ATP2C1: variants seen among roughly 807,000 people sequenced by gnomAD.
ATP2C1 encodes calcium-transporting ATPase type 2C member 1.
A neutral mutation model predicts 120.5 loss-of-function variants in ATP2C1; 31 were observed. That is an observed-to-expected ratio of 0.26 (90% CI 0.19 to 0.35). ATP2C1 has a LOEUF of 0.35. Among genes scored for constraint, ATP2C1 ranks in the 10% least tolerant of loss-of-function variants. The pLI, the probability that ATP2C1 is intolerant of heterozygous loss-of-function variation, is 1.00. For missense variants in ATP2C1, 731 were observed against 1,107.5 expected (o/e 0.66, Z 4.83); for synonymous variants, 351 against 358.7 (o/e 0.98, Z 0.24).
At chr3:130,967,446 A>T (rs770764553) in intron 16 of ATP2C1, 27 bp downstream of exon 16, 28 of 1,567,050 alleles carry the variant, frequency 1.8e-5, no homozygotes, top group Non-Finnish European at 2.5e-5. Context: ...CTCTTCTTTG[A>T]CATTTGAGAC....
In ATP2C1 at chr3:130,955,004, C is replaced by T. The variant is rs2060518957; in HGVS notation, c.688-8C>T. ...GATGTAAATGTATTTTCCTGTTTTT[C>T]CCCTTAGGGTGTTGTCATTGGAACA... is the stretch of plus-strand genomic sequence containing the variant. On this transcript the variant is annotated splice_polypyrimidine_tract_variant and splice_region_variant and intron_variant, in intron 9 of 27. Transcript: ENST00000510168. The T allele has an allele frequency of 1.9e-6, 3 of 1,607,044 alleles. No homozygotes were observed. The highest frequency in any genetic ancestry group is 2.7e-5 in the African/African-American group (2 of 74,588).
At position 131,002,459 on chromosome 3, in the gene ATP2C1, GTA is replaced by G; in HGVS notation, c.*1113_*1114del. On this transcript the variant is annotated 3_prime_UTR_variant, in exon 28 of 28. Transcript: ENST00000510168. ...GGCCTAGATTTTAGCACAAACCTGA[GTA>G]TATCTCTTCTACTTTCATCATGTGT... 1.0e-6 allele frequency: 1 copy of G among 985,352 alleles called. No individual in the cohort carries two copies. Among genetic ancestry groups the G allele is most frequent in the Non-Finnish European group, 1.2e-6 (1 of 829,914 alleles). The allele number at this position is 985,352 out of a possible 1,614,324, so 61.0% of individuals were successfully genotyped here.
At chr3:130,961,545 A>G (rs1444661115) in intron 12 of ATP2C1, among the ~76,000 whole-genome samples, 1 of 152,084 alleles carries the variant, frequency 6.6e-6, no homozygotes, top group Non-Finnish European at 1.5e-5. Context: ...CTAAAACAAT[A>G]AGAAAGCAGA....
At position 130,979,398 on chromosome 3, in the gene ATP2C1, C is replaced by G. The variant is rs2061658356; in HGVS notation, c.1720C>G (p.Gln574Glu). ...VSIKMITGDS[Q>E]ETAVAIASRL... ...AATAAAAATGATTACTGGAGATTCA[C>G]AGGAGACTGCAGTTGCAATCGGTAT... The change falls in exon 19 of 28, where the codon CAG becomes GAG. Residue 574 changes from glutamine (Q) to glutamate (E), a missense_variant. Gln to Glu is a conservative substitution (Grantham distance 29, BLOSUM62 2). Transcript: ENST00000510168. 1 of 1,613,446 alleles carries G rather than the reference C, an allele frequency of 6.2e-7. No individual in the cohort carries two copies. Among genetic ancestry groups the G allele is most frequent in the Non-Finnish European group, 8.5e-7 (1 of 1,179,604 alleles).
chr3:130,884,439 G>A lies in ATP2C1; in HGVS notation c.108+33511G>A, dbSNP rs569268557. On this transcript the variant is annotated intron_variant, in intron 1 of 26. Coordinates refer to the ATP2C1 transcript ENST00000504381. The stretch of plus-strand genomic sequence containing the variant: ...GTGACCTAACATATGGTCTGTCCCT[G>A]AGACTACTCCATGTGTTGAGTAGAA... 2.0e-5 allele frequency among the ~76,000 whole-genome samples: 3 copies of A among 152,326 alleles called. No individual in the cohort carries two copies. In the South Asian group the frequency reaches 6.2e-4, roughly 32 times the overall value.
At position 130,969,400 on chromosome 3, in the gene ATP2C1, T is replaced by C; in HGVS notation, c.1413+4T>C. ...GTGTGTACACCGAACACAGCAGGTA[T>C]CCATCTGTTTAAAGAATACTTATTT... On this transcript the variant is annotated splice_donor_region_variant and intron_variant, in intron 17 of 27. Transcript: ENST00000510168. The C allele has an allele frequency of 6.2e-7, 1 of 1,607,346 alleles. No individual in the cohort carries two copies. The highest frequency in any genetic ancestry group is 8.5e-7 in the Non-Finnish European group (1 of 1,174,056).
At chr3:130,899,160 C>G (rs887060303) in intron 2 of ATP2C1, among the ~76,000 whole-genome samples, 1 of 152,126 alleles carries the variant, frequency 6.6e-6, no homozygotes, top group Non-Finnish European at 1.5e-5. Context: ...ATGTATATGA[C>G]TGCTACTTAT....
chr3:130,997,748 C>T lies in ATP2C1; in HGVS notation c.2386C>T (p.Arg796Cys), dbSNP rs747760186. Reference protein sequence around the residue: ...IVCGTLFVFWRELRDNVITPR... With the variant: ...IVCGTLFVFWCELRDNVITPR... Reference sequence around the variant, plus strand: ...TTGTGGGACTTTGTTTGTCTTCTGGCGTGAGGTATATTCACTGGCCAAGCT... The same window carrying T: ...TTGTGGGACTTTGTTTGTCTTCTGGTGTGAGGTATATTCACTGGCCAAGCT... The change falls in exon 25 of 28, where the codon CGT becomes TGT. Residue 796 changes from arginine to cysteine, a missense_variant. Arg to Cys is a radical substitution (Grantham distance 180, BLOSUM62 -3). This residue lies in a region of ATP2C1 where 141 missense variants were observed against 201.6 expected (regional missense o/e 0.70). Transcript: ENST00000510168. 4.3e-6 allele frequency: 7 copies of T among 1,613,156 alleles called. No individual in the cohort carries two copies. The highest frequency in any genetic ancestry group is 1.7e-4 in the Middle Eastern group (1 of 6,048).
chr3:130,927,851 C>G (rs1235010389), intron 2 of ATP2C1: 1 of 153,324 alleles, frequency 6.5e-6, no homozygotes, highest in South Asian at 2.1e-4. Context: ...AGAGCTTAAG[C>G]AGCATCTCAC....
At chr3:130,888,079 C>T (rs372102874) in intron 1 of ATP2C1, among the ~76,000 whole-genome samples, 10 of 152,272 alleles carry the variant, frequency 6.6e-5, no homozygotes, top group African/African-American at 1.4e-4. Context: ...TCCTTCCCTT[C>T]GAGGCAGCGG....
chr3:130,862,358 T>A (rs1487522622), intron 1 of ATP2C1, among the ~76,000 whole-genome samples: 2 of 105,796 alleles, frequency 1.9e-5, no homozygotes, highest in African/African-American at 6.4e-5. Context: ...TTATTTATTT[T>A]TAGTAAGAGA....
Position 130,894,191 on chromosome 3 carries a change from G to T in ATP2C1, c.-327G>T. The T allele has an allele frequency of 1.3e-5, 7 of 522,350 alleles. No individual in the cohort carries two copies. The highest frequency in any genetic ancestry group is 1.4e-5 in the Non-Finnish European group (6 of 434,226). 32.4% of individuals were successfully genotyped at this position (522,350 alleles called of 1,614,324 possible). Reference sequence around the variant, plus strand: ...CTCTCTCCCTCCCTTCCTCCCTCCCGCTCGCTTCTTCTCACGCCGGGAGCA... The same window carrying T: ...CTCTCTCCCTCCCTTCCTCCCTCCCTCTCGCTTCTTCTCACGCCGGGAGCA... On this transcript the variant is annotated 5_prime_UTR_variant, in exon 1 of 28. Coordinates refer to ENST00000510168, the MANE Select transcript of ATP2C1 (RefSeq NM_001378687.1). This position sits in a 1 kb window ranked among gnomAD's most constrained non-coding sequence, Gnocchi z 4.5.
At chr3:130,869,422 T>TAAAAAAAAAAAAAA (rs2068342474) in intron 1 of ATP2C1, 1 of 54,808 alleles carries the variant, frequency 1.8e-5, no homozygotes, top group Non-Finnish European at 3.1e-5. Context: ...GAATGATCAA[T>TAAAAAAAAAAAAAA]AAAAAATAAA....
At chr3:130,956,244 TG>T in intron 11 of ATP2C1, 65 bp downstream of exon 11, 1 of 1,000,470 alleles carries the variant, frequency 1.0e-6, no homozygotes, top group Admixed American at 2.0e-5. Context: ...TGAAGGGTGG[TG>T]GTATTCTAGT....
At chr3:130,858,329 A>G (rs1340053425) in intron 1 of ATP2C1, among the ~76,000 whole-genome samples, 1 of 152,190 alleles carries the variant, frequency 6.6e-6, no homozygotes, top group Non-Finnish European at 1.5e-5. Context: ...TAGCTATAGC[A>G]CACTTCTTCT....
chr3:130,870,863 C>CA (rs1469592248), intron 1 of ATP2C1, among the ~76,000 whole-genome samples: 1 of 152,174 alleles, frequency 6.6e-6, no homozygotes, highest in Non-Finnish European at 1.5e-5. Flanking sequence ...TAAACAGCAT[C>CA]AGACAATACA....
At position 130,996,023 on chromosome 3, in the gene ATP2C1, C is replaced by T; in HGVS notation, c.2058-20C>T. ...GTATGATAATATTTTCTCACTTCAT[C>T]TTTATTTTTTAAATTTCAGGTCTGC... On this transcript the variant is annotated intron_variant, in intron 22 of 27. Coordinates refer to ENST00000510168, the MANE Select transcript of ATP2C1 (RefSeq NM_001378687.1). 1 of 1,429,004 alleles carries T rather than the reference C, an allele frequency of 7.0e-7. No homozygotes were observed. Among genetic ancestry groups the T allele is most frequent in the Non-Finnish European group, 9.9e-7 (1 of 1,013,664 alleles). The allele number at this position is 1,429,004 out of a possible 1,614,324, so 88.5% of individuals were successfully genotyped here. A position where few individuals can be genotyped will look rare whatever the true frequency, so the allele number is the denominator to read the frequency against.
chr3:130,965,180 T>A, intron 14 of ATP2C1, 135 bp downstream of exon 14: 1 of 683,608 alleles, frequency 1.5e-6, no homozygotes, highest in Non-Finnish European at 2.6e-6. Flanking sequence ...TCTCTCTCTG[T>A]GATTTTACCA....
At chr3:130,944,235 A>G (rs2060039637) in intron 8 of ATP2C1, among the ~76,000 whole-genome samples, 1 of 152,232 alleles carries the variant, frequency 6.6e-6, no homozygotes, top group Non-Finnish European at 1.5e-5. Context: ...GTTTGACTGT[A>G]AACTTGCCTG....
Sources: gnomAD v4.1 joint callset for allele counts (sites outside exome capture counted in the v4.1 genomes callset) on GRCh38, gnomAD v4.1.1 for gene constraint, gnomAD v4.1.1 regional missense constraint, Gnocchi (gnomAD v3.1) non-coding constraint, MANE v1.5 for transcripts, NCBI Gene and HGNC (gene_info 2026-07-23, HGNC 2026-07-21) for gene names.